The following FBXL17 variants were observed in gnomAD, a reference collection of about 807,000 sequenced individuals.
The protein encoded by FBXL17 is F-box and leucine rich repeat protein 17.
In FBXL17, 22 loss-of-function variants were observed where a neutral mutation model predicts 66.2. That is an observed-to-expected ratio of 0.33 (90% CI 0.24 to 0.47). The LOEUF (loss-of-function observed/expected upper bound fraction) is 0.47. FBXL17 is among the 20% of genes least tolerant of loss of function. The pLI, the probability that FBXL17 is intolerant of heterozygous loss-of-function variation, is 1.00. For synonymous variants in FBXL17, 474 were observed against 400.5 expected, an observed-to-expected ratio of 1.18 and a Z score of -2.19; for missense variants, 878 against 948.2, an observed-to-expected ratio of 0.93 and a Z score of 0.97.
At chr5:108,344,939 A>C (rs151084184) in intron 4 of FBXL17, among the ~76,000 whole-genome samples, 1 of 152,356 alleles carries the variant, frequency 6.6e-6, no homozygotes, top group African/African-American at 2.4e-5. Flanking sequence ...AGTCGACACA[A>C]GAGTTTTACA....
At chr5:108,088,700 C>CAAAAAAAAAAAAAAAAAAA (rs57707936) in intron 6 of FBXL17, among the ~76,000 whole-genome samples, 2 of 49,346 alleles carry the variant, frequency 4.1e-5, no homozygotes, top group African/African-American at 1.7e-4. Flanking sequence ...GACTCTATCT[C>CAAAAAAAAAAAAAAAAAAA]AAAAAAAAAA....
chr5:107,863,604 T>C (rs1004262442), intron 8 of FBXL17, among the ~76,000 whole-genome samples: 1 of 152,204 alleles, frequency 6.6e-6, no homozygotes, highest in African/African-American at 2.4e-5. Flanking sequence ...ACTAAGTTTA[T>C]GATTGCTTAG....
intron 4 of FBXL17, among the ~76,000 whole-genome samples, chr5:108,318,711 A>G (rs1465969872): frequency 6.6e-6 from 1 of 151,932 alleles, no homozygotes; most frequent in Non-Finnish European, 1.5e-5. Context: ...GAATTTGAGT[A>G]CCTAGAATTA....
At chr5:107,974,422 T>C (rs1243945726) in intron 7 of FBXL17, among the ~76,000 whole-genome samples, 3 of 152,158 alleles carry the variant, frequency 2.0e-5, no homozygotes, top group Non-Finnish European at 4.4e-5. Context: ...TATGTCTTAA[T>C]ACTTATAAAG....
chr5:107,868,106 T>C (rs1001602691), intron 8 of FBXL17, among the ~76,000 whole-genome samples: 4 of 152,210 alleles, frequency 2.6e-5, no homozygotes, highest in African/African-American at 9.6e-5. Flanking sequence ...TGAATACCCC[T>C]ACTCAGATGG....
At chr5:108,357,934 T>G (rs928191285) in intron 3 of FBXL17, among the ~76,000 whole-genome samples, 1 of 151,996 alleles carries the variant, frequency 6.6e-6, no homozygotes, top group Admixed American at 6.6e-5. Context: ...TAAAGGCAAA[T>G]TTATACTTTT....
intron 4 of FBXL17, among the ~76,000 whole-genome samples, chr5:108,334,455 T>A (rs1457516533): frequency 2.0e-5 from 3 of 152,160 alleles, no homozygotes; most frequent in Non-Finnish European, 4.4e-5. Flanking sequence ...ATAAAGGGCA[T>A]CAAACTGAGA....
chr5:108,194,596 GC>G (rs1753603838), intron 5 of FBXL17, among the ~76,000 whole-genome samples: 1 of 151,972 alleles, frequency 6.6e-6, no homozygotes, highest in Admixed American at 6.6e-5. Context: ...TCCCCTTCTA[GC>G]CTTTCCTAGA....
chr5:107,874,242 T>C (rs1019039405), intron 8 of FBXL17, among the ~76,000 whole-genome samples: 2 of 152,198 alleles, frequency 1.3e-5, no homozygotes, highest in Non-Finnish European at 2.9e-5. Flanking sequence ...AGTTTTTCTA[T>C]GAAGATCTGA....
intron 4 of FBXL17, among the ~76,000 whole-genome samples, chr5:108,311,196 A>C (rs937189144): frequency 1.3e-5 from 2 of 151,724 alleles, no homozygotes; most frequent in African/African-American, 4.8e-5. Context: ...TCTGAGATGG[A>C]GTCTCGCCGT....
At chr5:108,307,924 T>C (rs1236130066) in intron 4 of FBXL17, among the ~76,000 whole-genome samples, 1 of 152,144 alleles carries the variant, frequency 6.6e-6, no homozygotes, top group African/African-American at 2.4e-5. Flanking sequence ...TGTGTATATG[T>C]AATACACAAT....
chr5:108,239,238 A>G (rs1467321512), intron 4 of FBXL17, among the ~76,000 whole-genome samples: 1 of 152,218 alleles, frequency 6.6e-6, no homozygotes, highest in Non-Finnish European at 1.5e-5. Flanking sequence ...CTTTTTAAGA[A>G]CCAAAACTCA....
At chr5:107,988,528 G>C (rs1038102283) in intron 7 of FBXL17, among the ~76,000 whole-genome samples, 2 of 151,586 alleles carry the variant, frequency 1.3e-5, no homozygotes, top group African/African-American at 2.4e-5. Context: ...TTTTTGCAAA[G>C]GACCAAATAA....
intron 4 of FBXL17, among the ~76,000 whole-genome samples, chr5:108,329,985 G>C (rs1419424385): frequency 1.3e-5 from 2 of 152,120 alleles, no homozygotes; most frequent in Non-Finnish European, 2.9e-5. Flanking sequence ...ATGGCCTATG[G>C]AAAAGGGTCT....
At chr5:108,100,009 G>A (rs1359798933) in intron 6 of FBXL17, among the ~76,000 whole-genome samples, 1 of 152,060 alleles carries the variant, frequency 6.6e-6, no homozygotes, top group Non-Finnish European at 1.5e-5. Context: ...AGCATTGTTT[G>A]CCTGTGAATA....
intron 6 of FBXL17, among the ~76,000 whole-genome samples, chr5:108,130,968 C>CTTTCT (rs1206458645): frequency 6.6e-6 from 1 of 152,000 alleles, no homozygotes; most frequent in Admixed American, 6.6e-5. Context: ...TTTTTCAAGT[C>CTTTCT]TTTCTAAACC....
chr5:108,210,790 G>T (rs1251690233), intron 5 of FBXL17, among the ~76,000 whole-genome samples: 1 of 152,210 alleles, frequency 6.6e-6, no homozygotes, highest in African/African-American at 2.4e-5. Context: ...ATATTCTGTT[G>T]ATTTGGGGTG....
intron 4 of FBXL17, among the ~76,000 whole-genome samples, chr5:108,312,473 C>T (rs148617302): frequency 1.3e-5 from 2 of 152,108 alleles, no homozygotes; most frequent in South Asian, 2.1e-4. Context: ...TAATTTCACA[C>T]ATATCTTCTA....
At chr5:107,876,500 AACTTCTGTATTAACAC>A (rs1360556687) in intron 8 of FBXL17, among the ~76,000 whole-genome samples, 9 of 152,116 alleles carry the variant, frequency 5.9e-5, no homozygotes, top group Admixed American at 1.3e-4. Flanking sequence ...TGCATCTCCA[AACTTCTGTATTAACAC>A]ACACTGCAGA....
Sources: gnomAD v4.1 joint callset for allele counts (sites outside exome capture counted in the v4.1 genomes callset) on GRCh38, gnomAD v4.1.1 for gene constraint, MANE v1.5 for transcripts, NCBI Gene and HGNC (gene_info 2026-07-23, HGNC 2026-07-21) for gene names.